ST6GAL1: variants seen among roughly 807,000 people sequenced by gnomAD.
The protein encoded by ST6GAL1 is beta-galactoside alpha-2,6-sialyltransferase 1.
Under a neutral mutation model 38.0 loss-of-function variants are expected in ST6GAL1, and 20 were observed. That is an observed-to-expected ratio of 0.53 (90% CI 0.37 to 0.77). ST6GAL1 has a LOEUF of 0.77. Ranked by LOEUF, ST6GAL1 falls within the 30% of genes least tolerant of loss-of-function variation. The pLI, the probability that ST6GAL1 is intolerant of heterozygous loss-of-function variation, is 0.00. For missense variants in ST6GAL1, 432 were observed against 496.4 expected (o/e 0.87, Z 1.23); for synonymous variants, 196 against 188.2 (o/e 1.04, Z -0.34).
chr3:187,000,949 T>C (rs192341694), intron 2 of ST6GAL1, among the ~76,000 whole-genome samples: 4 of 152,342 alleles, frequency 2.6e-5, no homozygotes, highest in Admixed American at 1.3e-4. Flanking sequence ...TTGTGCGTAC[T>C]TCCCCAGATG....
chr3:187,026,767 C>T (rs1238039779), intron 2 of ST6GAL1, among the ~76,000 whole-genome samples: 1 of 152,148 alleles, frequency 6.6e-6, no homozygotes, highest in African/African-American at 2.4e-5. Context: ...AAAATGGGGC[C>T]AGGTGCGGTG....
intron 2 of ST6GAL1, among the ~76,000 whole-genome samples, chr3:186,989,371 C>T (rs1259605852): frequency 6.6e-6 from 1 of 152,180 alleles, no homozygotes; most frequent in Non-Finnish European, 1.5e-5. Flanking sequence ...AAAAACATTT[C>T]TTAATTAATA....
intron 2 of ST6GAL1, among the ~76,000 whole-genome samples, chr3:186,996,146 A>G (rs568791582): frequency 6.6e-6 from 1 of 152,336 alleles, no homozygotes; most frequent in Non-Finnish European, 1.5e-5. Context: ...GGACCAGTAT[A>G]TTGAATAGCA....
chr3:187,043,406 C>T (rs1236531053), intron 4 of ST6GAL1, 96 bp downstream of exon 4: 13 of 1,516,300 alleles, frequency 8.6e-6, no homozygotes, highest in African/African-American at 2.8e-5. Context: ...TGTGGCTCAG[C>T]GGACCAGTGG....
chr3:187,058,852 A>T (rs1579370497), intron 5 of ST6GAL1, among the ~76,000 whole-genome samples: 2 of 152,118 alleles, frequency 1.3e-5, no homozygotes, highest in East Asian at 3.9e-4. Context: ...ATGTTGGCCC[A>T]ACTGGTCTTG....
intron 5 of ST6GAL1, chr3:187,072,367 TGTGTTGG>T (rs1719413272): frequency 2.0e-5 from 2 of 101,036 alleles, no homozygotes; most frequent in South Asian, 2.6e-4. Flanking sequence ...CTGTGTTGGC[TGTGTTGG>T]ACTGTGTTGG....
At chr3:187,045,490 T>C (rs1718264125) in intron 4 of ST6GAL1, among the ~76,000 whole-genome samples, 12 of 152,216 alleles carry the variant, frequency 7.9e-5, no homozygotes, top group Admixed American at 7.9e-4. Context: ...AACACTATCA[T>C]CAATACAAGT....
rs1716704384 is a variant in ST6GAL1, at chr3:187,004,078, C to T, written c.-182-34664C>T. 5.3e-5 allele frequency among the ~76,000 whole-genome samples: 8 copies of T among 152,288 alleles called. No individual in the cohort carries two copies. The South Asian group carries it at 1.7e-3, about 32-fold the overall frequency. ...AGCTGTCCTCACAACAGTGAGTTCT[C>T]ATGAGATCTGGTTGTTTCAAAGTGT... On this transcript the variant is annotated intron_variant, in intron 2 of 7. Transcript: ENST00000169298.
chr3:186,958,226 G>A (rs1714810703), intron 1 of ST6GAL1, among the ~76,000 whole-genome samples: 1 of 152,060 alleles, frequency 6.6e-6, no homozygotes, highest in Non-Finnish European at 1.5e-5. Flanking sequence ...ATACATGAAA[G>A]GAATTAATTG....
chr3:187,000,234 T>C lies in ST6GAL1; in HGVS notation c.-183+36308T>C, dbSNP rs141742132. Among the ~76,000 whole-genome samples the C allele has an allele frequency of 2.8e-3, 429 of 152,258 alleles. 2 individuals carry two copies. The highest frequency in any genetic ancestry group is 9.7e-3 in the African/African-American group (402 of 41,540). ...TTTGCAAAGCAAGCTTTTAATAGAA[T>C]TACAATTTTAGTGTTGACCAAAAGT... On this transcript the variant is annotated intron_variant, in intron 2 of 7. Coordinates refer to ENST00000169298, the MANE Select transcript of ST6GAL1 (RefSeq NM_173216.2).
At chr3:186,981,654 A>G (rs1451014921) in intron 2 of ST6GAL1, among the ~76,000 whole-genome samples, 1 of 152,208 alleles carries the variant, frequency 6.6e-6, no homozygotes, top group Non-Finnish European at 1.5e-5. Flanking sequence ...TGAATTCTCA[A>G]GGTCCATTTT....
chr3:186,958,973 T>C (rs1392118606), intron 1 of ST6GAL1, among the ~76,000 whole-genome samples: 1 of 6,890 alleles, frequency 1.5e-4, no homozygotes, highest in Admixed American at 1.3e-3. Context: ...AAAAATTAAA[T>C]AAATAAATAA....
At position 187,016,836 on chromosome 3, in the gene ST6GAL1, C is replaced by T. The variant is rs149380242; in HGVS notation, c.-182-21906C>T. On this transcript the variant is annotated intron_variant, in intron 2 of 7. Transcript: ENST00000169298. The stretch of plus-strand genomic sequence containing the variant: ...TTTGCCCAAGAGATTGAGCTGCAGC[C>T]GTGTTGCTGCCTCTTCATTTGGTGA... Among the ~76,000 whole-genome samples the T allele has an allele frequency of 1.1e-3, 161 of 152,240 alleles. No homozygotes were observed. The South Asian group carries it at 0.017, about 16-fold the overall frequency.
At chr3:186,946,852 G>C (rs898081670) in intron 1 of ST6GAL1, among the ~76,000 whole-genome samples, 2 of 151,790 alleles carry the variant, frequency 1.3e-5, no homozygotes, top group African/African-American at 4.9e-5. Context: ...GATGAACACT[G>C]TGGGGGATTT....
chr3:187,027,558 G>C (rs1717586416), intron 2 of ST6GAL1, among the ~76,000 whole-genome samples: 1 of 152,134 alleles, frequency 6.6e-6, no homozygotes, highest in Non-Finnish European at 1.5e-5. Flanking sequence ...ACAGATAAGA[G>C]GGTAAATAGT....
intron 2 of ST6GAL1, among the ~76,000 whole-genome samples, chr3:187,027,460 G>C (rs1404675270): frequency 6.6e-6 from 1 of 152,088 alleles, no homozygotes; most frequent in Admixed American, 6.6e-5. Context: ...TCAGGAACCC[G>C]CATTTTAACA....
chr3:187,066,459 G>A (rs1719135887), intron 5 of ST6GAL1, among the ~76,000 whole-genome samples: 1 of 152,068 alleles, frequency 6.6e-6, no homozygotes, highest in Non-Finnish European at 1.5e-5. Context: ...TCCAAACAGG[G>A]TATTAGTCAC....
intron 5 of ST6GAL1, among the ~76,000 whole-genome samples, chr3:187,058,019 G>A (rs257104): frequency 0.29 from 44,043 of 152,070 alleles, 7,327 homozygotes; most frequent in South Asian, 0.41. Flanking sequence ...CCCCTCCCCC[G>A]CCAGGCTGCT....
chr3:186,985,081 G>A (rs145442262), intron 2 of ST6GAL1, among the ~76,000 whole-genome samples: 3,347 of 151,644 alleles, frequency 0.022, 55 homozygotes, highest in Non-Finnish European at 0.034. Flanking sequence ...GCTAATTTTT[G>A]TATTTTTAGT....
Sources: allele counts gnomAD v4.1 joint callset (sites outside exome capture counted in the v4.1 genomes callset), GRCh38; gene constraint gnomAD v4.1.1; transcripts MANE v1.5; gene names NCBI Gene and HGNC (gene_info 2026-07-23, HGNC 2026-07-21).